SAMD12: variants seen among roughly 807,000 people sequenced by gnomAD.
The protein encoded by SAMD12 is sterile alpha motif domain-containing protein 12.
SAMD12 carries 9 observed loss-of-function variants against 15.0 expected under a neutral mutation model. That is an observed-to-expected ratio of 0.60 (90% CI 0.36 to 1.05). SAMD12 has a LOEUF of 1.05. Among genes scored for constraint, SAMD12 ranks in the 50% least tolerant of loss-of-function variants. SAMD12 has a pLI of 0.01. For missense variants in SAMD12, 230 were observed against 234.2 expected (o/e 0.98, Z 0.12); for synonymous variants, 86 against 90.1 (o/e 0.96, Z 0.25).
intron 1 of SAMD12, among the ~76,000 whole-genome samples, chr8:118,595,294 G>C (rs1482066776): frequency 6.6e-6 from 1 of 152,102 alleles, no homozygotes; most frequent in East Asian, 1.9e-4. Context: ...ATCAGACAAT[G>C]CTTCTAAAAT....
chr8:118,404,852 G>T (rs73311719), intron 3 of SAMD12, among the ~76,000 whole-genome samples: 2,385 of 151,904 alleles, frequency 0.016, 58 homozygotes, highest in African/African-American at 0.052. Context: ...AAGAGACAGG[G>T]TCTTGCTATG....
intron 3 of SAMD12, among the ~76,000 whole-genome samples, chr8:118,438,420 AT>A (rs1554663497): frequency 1.3e-5 from 2 of 151,398 alleles, no homozygotes; most frequent in Non-Finnish European, 2.9e-5. Context: ...TTTAAAAAAA[AT>A]TTTTTTTAAT....
At chr8:118,177,950 C>A in the SAMD12 span, among the ~76,000 whole-genome samples, 3 of 152,184 alleles carry the variant, frequency 2.0e-5, no homozygotes, top group Non-Finnish European at 4.4e-5. Context: ...CTGCCATACA[C>A]TTCTCTTGAA....
intron 4 of SAMD12, among the ~76,000 whole-genome samples, chr8:118,211,593 A>T (rs539742479): frequency 2.4e-4 from 36 of 152,244 alleles, no homozygotes; most frequent in Non-Finnish European, 3.2e-4. Context: ...AAGAGTTGGA[A>T]AATATTTCTT....
chr8:118,159,295 T>C, the SAMD12 span, among the ~76,000 whole-genome samples: 1 of 152,174 alleles, frequency 6.6e-6, no homozygotes, highest in African/African-American at 2.4e-5. Flanking sequence ...CCTAGTCCAG[T>C]TGCAGCCTTG....
At chr8:118,572,183 C>T (rs916571864) in intron 2 of SAMD12, among the ~76,000 whole-genome samples, 2 of 152,158 alleles carry the variant, frequency 1.3e-5, no homozygotes, top group African/African-American at 4.8e-5. Flanking sequence ...TTGCTTGGGG[C>T]CTGTAGCTTC....
At chr8:118,440,694 ACAAAC>A (rs1822724515) in intron 2 of SAMD12, among the ~76,000 whole-genome samples, 32 of 138,856 alleles carry the variant, frequency 2.3e-4, no homozygotes, top group African/African-American at 6.6e-4. Flanking sequence ...ACACACACAC[ACAAAC>A]ACACACACAC....
At chr8:118,146,951 T>C in the SAMD12 span, among the ~76,000 whole-genome samples, 1 of 152,212 alleles carries the variant, frequency 6.6e-6, no homozygotes, top group Non-Finnish European at 1.5e-5. Flanking sequence ...TAATTGGTGA[T>C]TGCCATTTCC....
chr8:118,523,261 G>A (rs990802215), intron 2 of SAMD12, among the ~76,000 whole-genome samples: 2 of 152,292 alleles, frequency 1.3e-5, no homozygotes, highest in South Asian at 4.1e-4. Flanking sequence ...TTGCGGAAAT[G>A]AAAGTTGTTC....
At chr8:118,425,295 C>T (rs1822195724) in intron 3 of SAMD12, among the ~76,000 whole-genome samples, 1 of 152,106 alleles carries the variant, frequency 6.6e-6, no homozygotes, top group Admixed American at 6.6e-5. Context: ...AAGGGCATCT[C>T]CAATTTTGCA....
chr8:118,135,036 C>G, the SAMD12 span, among the ~76,000 whole-genome samples: 7 of 152,146 alleles, frequency 4.6e-5, no homozygotes, highest in African/African-American at 7.2e-5. Flanking sequence ...AGAAACCACA[C>G]AGAAGTGACT....
chr8:118,376,484 T>G (rs565088495), downstream of SAMD12, among the ~76,000 whole-genome samples: 1 of 152,276 alleles, frequency 6.6e-6, no homozygotes, highest in East Asian at 1.9e-4. Context: ...TGGGCCCTCA[T>G]CAGACACTGA....
chr8:118,335,318 G>A (rs1052301334), intron 4 of SAMD12, among the ~76,000 whole-genome samples: 6 of 152,082 alleles, frequency 3.9e-5, no homozygotes, highest in African/African-American at 7.2e-5. Context: ...CTTGTAACTC[G>A]CAGCTTTCCA....
the SAMD12 span, among the ~76,000 whole-genome samples, chr8:118,146,166 T>A: frequency 2.6e-5 from 4 of 152,046 alleles, no homozygotes; most frequent in Non-Finnish European, 5.9e-5. Context: ...GATGCCTGGA[T>A]TATAAGTAGG....
chr8:118,550,353 AAGAG>A (rs1461589142), intron 2 of SAMD12, among the ~76,000 whole-genome samples: 2 of 152,232 alleles, frequency 1.3e-5, no homozygotes, highest in African/African-American at 2.4e-5. Flanking sequence ...TACAAGCCAA[AAGAG>A]AGTGGGGGCC....
chr8:118,276,111 C>G (rs1813468427), intron 4 of SAMD12, among the ~76,000 whole-genome samples: 1 of 152,140 alleles, frequency 6.6e-6, no homozygotes, highest in Non-Finnish European at 1.5e-5. Flanking sequence ...TTCTATGTCC[C>G]CCTCAGAGAA....
chr8:118,549,173 C>T (rs1826237246), intron 2 of SAMD12, among the ~76,000 whole-genome samples: 1 of 152,220 alleles, frequency 6.6e-6, no homozygotes, highest in African/African-American at 2.4e-5. Context: ...TTGAAGAGAG[C>T]AGTGGTTCTC....
chr8:118,266,902 A>G (rs1453210997), intron 4 of SAMD12, among the ~76,000 whole-genome samples: 1 of 152,128 alleles, frequency 6.6e-6, no homozygotes, highest in Non-Finnish European at 1.5e-5. Flanking sequence ...AAATAAATCT[A>G]AGAGATCCAT....
At chr8:118,475,991 C>G (rs1438443323) in intron 2 of SAMD12, among the ~76,000 whole-genome samples, 1 of 152,156 alleles carries the variant, frequency 6.6e-6, no homozygotes, top group African/African-American at 2.4e-5. Flanking sequence ...AAATCCTTCT[C>G]TTTCATAGGA....
Sources: gnomAD v4.1 joint callset for allele counts (sites outside exome capture counted in the v4.1 genomes callset) on GRCh38, gnomAD v4.1.1 for gene constraint, MANE v1.5 for transcripts, NCBI Gene and HGNC (gene_info 2026-07-23, HGNC 2026-07-21) for gene names.